RBFOX1: variants seen among roughly 807,000 people sequenced by gnomAD.
The protein encoded by RBFOX1 is RNA binding fox-1 homolog 1.
A neutral mutation model predicts 57.7 loss-of-function variants in RBFOX1; 8 were observed. That is an observed-to-expected ratio of 0.14 (90% CI 0.08 to 0.25). The LOEUF is 0.25. Ranked by LOEUF, RBFOX1 falls within the 10% of genes least tolerant of loss-of-function variation. The pLI is 1.00. For synonymous variants in RBFOX1, 326 were observed against 222.4 expected, an observed-to-expected ratio of 1.47 and a Z score of -4.15; for missense variants, 611 against 548.5, an observed-to-expected ratio of 1.11 and a Z score of -1.14.
At chr16:5,737,704 G>A (rs1322139187) in intron 3 of RBFOX1, among the ~76,000 whole-genome samples, 3 of 151,980 alleles carry the variant, frequency 2.0e-5, no homozygotes, top group Admixed American at 2.0e-4. Flanking sequence ...CTTCTACAGA[G>A]CTCAAGATTG....
chr16:5,926,088 C>A (rs1431684094), intron 4 of RBFOX1, among the ~76,000 whole-genome samples: 1 of 152,278 alleles, frequency 6.6e-6, no homozygotes, highest in East Asian at 1.9e-4. Flanking sequence ...CAAAGGTAAG[C>A]CATTATGTAA....
chr16:5,889,864 C>T (rs1270509659), intron 4 of RBFOX1, among the ~76,000 whole-genome samples: 1 of 152,196 alleles, frequency 6.6e-6, no homozygotes, highest in Non-Finnish European at 1.5e-5. Context: ...ATGAATTCAC[C>T]CCAGAATGGC....
chr16:5,984,900 G>A (rs1450135979), intron 4 of RBFOX1, among the ~76,000 whole-genome samples: 1 of 137,092 alleles, frequency 7.3e-6, no homozygotes, highest in African/African-American at 2.8e-5. Context: ...AAAAGGTACA[G>A]TAAAAAGACA....
chr16:6,025,407 G>C (rs2095170964), intron 1 of RBFOX1, among the ~76,000 whole-genome samples: 2 of 152,194 alleles, frequency 1.3e-5, no homozygotes, highest in South Asian at 4.1e-4. Context: ...TTCTTTGTGT[G>C]AGGGTGGAAG....
At chr16:6,714,150 C>G (rs1446793115) in intron 3 of RBFOX1, among the ~76,000 whole-genome samples, 1 of 152,148 alleles carries the variant, frequency 6.6e-6, no homozygotes, top group Non-Finnish European at 1.5e-5. Flanking sequence ...CTCTCACGCT[C>G]TCTCTCTCAC....
intron 1 of RBFOX1, among the ~76,000 whole-genome samples, chr16:6,173,850 T>A (rs1309494771): frequency 2.0e-5 from 3 of 152,070 alleles, no homozygotes; most frequent in Non-Finnish European, 4.4e-5. Context: ...CCTGAAGTGA[T>A]CTGCCTGCCT....
intron 3 of RBFOX1, among the ~76,000 whole-genome samples, chr16:5,784,864 A>ATCT (rs2054447074): frequency 6.6e-6 from 1 of 152,012 alleles, no homozygotes; most frequent in Non-Finnish European, 1.5e-5. Context: ...CAGACACTGA[A>ATCT]TCTCCCGGTG....
Position 6,407,936 on chromosome 16 carries a change from G to A in RBFOX1, c.-64+90879G>A, listed in dbSNP as rs115703235. ...TTGAAGCCTGATTCTCAGCACAATA[G>A]TATTAAGAGCTGGAGGCTTTAGGAG... is the stretch of plus-strand genomic sequence containing the variant. On this transcript the variant is annotated intron_variant, in intron 2 of 15. Coordinates refer to ENST00000550418, the MANE Select transcript of RBFOX1 (RefSeq NM_018723.4). Among the ~76,000 whole-genome samples, 747 of 152,282 alleles carry A rather than the reference G, an allele frequency of 4.9e-3. 5 individuals are homozygous for A. The highest frequency in any genetic ancestry group is 0.017 in the African/African-American group (718 of 41,544).
intron 1 of RBFOX1, among the ~76,000 whole-genome samples, chr16:5,249,092 A>AT (rs2062379830): frequency 6.6e-6 from 1 of 151,572 alleles, no homozygotes; most frequent in Non-Finnish European, 1.5e-5. Flanking sequence ...GGAAGCTTGG[A>AT]TTTCCAGTTC....
At chr16:7,086,095 C>T (rs561266325) in intron 4 of RBFOX1, among the ~76,000 whole-genome samples, 7 of 152,296 alleles carry the variant, frequency 4.6e-5, no homozygotes, top group African/African-American at 1.7e-4. Flanking sequence ...TGGTGATTCT[C>T]TCCATCATGC....
At chr16:7,202,110 A>G (rs909457172) in intron 4 of RBFOX1, among the ~76,000 whole-genome samples, 2 of 152,100 alleles carry the variant, frequency 1.3e-5, no homozygotes, top group South Asian at 2.1e-4. Flanking sequence ...AACAACAACA[A>G]CAACCACAGC....
chr16:6,260,327 A>C (rs927973953), intron 1 of RBFOX1, among the ~76,000 whole-genome samples: 1 of 152,138 alleles, frequency 6.6e-6, no homozygotes, highest in Non-Finnish European at 1.5e-5. Flanking sequence ...GTCTCTGCTG[A>C]GTACAGAGAA....
intron 11 of RBFOX1, among the ~76,000 whole-genome samples, chr16:7,645,459 G>T (rs2063567391): frequency 6.6e-6 from 1 of 152,110 alleles, no homozygotes; most frequent in Admixed American, 6.5e-5. Flanking sequence ...AACACATCTT[G>T]CCTTTCATAA....
intron 3 of RBFOX1, among the ~76,000 whole-genome samples, chr16:6,680,274 C>CTTTT (rs1180378585): frequency 3.8e-4 from 34 of 88,924 alleles, no homozygotes; most frequent in Middle Eastern, 6.8e-3. Context: ...TTCTCTCTCT[C>CTTTT]TTTTTTTTTT....
chr16:7,380,545 C>T (rs916419538), intron 4 of RBFOX1, among the ~76,000 whole-genome samples: 1 of 152,150 alleles, frequency 6.6e-6, no homozygotes, highest in Admixed American at 6.5e-5. Flanking sequence ...CAACCAGTTT[C>T]CCTATTGATA....
At chr16:7,117,488 T>G (rs1235414885) in intron 4 of RBFOX1, among the ~76,000 whole-genome samples, 1 of 152,112 alleles carries the variant, frequency 6.6e-6, no homozygotes, top group Non-Finnish European at 1.5e-5. Flanking sequence ...TGTGTGAGTT[T>G]AGGAAAATAT....
intron 2 of RBFOX1, among the ~76,000 whole-genome samples, chr16:6,554,091 C>T (rs545635432): frequency 7.9e-5 from 12 of 152,212 alleles, no homozygotes; most frequent in East Asian, 3.9e-4. Context: ...AGTTTAATGT[C>T]TGTGCAAAAT....
intron 4 of RBFOX1, among the ~76,000 whole-genome samples, chr16:7,101,247 A>G (rs1455270712): frequency 2.0e-5 from 3 of 152,176 alleles, no homozygotes; most frequent in Non-Finnish European, 4.4e-5. Flanking sequence ...CGTGGCATAG[A>G]GAGAAACCGA....
intron 1 of RBFOX1, among the ~76,000 whole-genome samples, chr16:5,292,823 C>T (rs935979727): frequency 6.6e-6 from 1 of 151,956 alleles, no homozygotes; most frequent in East Asian, 2.0e-4. Context: ...TGGGGTTTCA[C>T]CATGTTAGCC....
Sources: gnomAD v4.1 joint callset for allele counts (sites outside exome capture counted in the v4.1 genomes callset) on GRCh38, gnomAD v4.1.1 for gene constraint, MANE v1.5 for transcripts, NCBI Gene and HGNC (gene_info 2026-07-23, HGNC 2026-07-21) for gene names.